The following STAC variants were observed in gnomAD, a reference collection of about 807,000 sequenced individuals.
The protein encoded by STAC is SH3 and cysteine rich domain, also known as SH3 and cysteine-rich domain-containing protein.
Under a neutral mutation model 48.8 loss-of-function variants are expected in STAC, and 43 were observed. That is an observed-to-expected ratio of 0.88 (90% confidence interval 0.69 to 1.14). The LOEUF is 1.14. Ranked by LOEUF, STAC falls within the 50% of genes most tolerant of loss-of-function variation. The pLI is 0.00. For missense variants in STAC, 497 were observed against 504.0 expected (o/e 0.99, Z 0.13); for synonymous variants, 193 against 179.5 (o/e 1.07, Z -0.60).
At chr3:36,533,426 G>GA (rs1559528429) in intron 10 of STAC, among the ~76,000 whole-genome samples, 2 of 146,532 alleles carry the variant, frequency 1.4e-5, no homozygotes, top group Non-Finnish European at 3.0e-5. Context: ...AATTTGGGAA[G>GA]AATGTTCATC....
At position 36,443,109 on chromosome 3, in the gene STAC, G is replaced by A. The variant is rs780231644; in HGVS notation, c.112-255G>A. Among the ~76,000 whole-genome samples the A allele has an allele frequency of 2.0e-5, 3 of 152,188 alleles. No individual in the cohort carries two copies. Among genetic ancestry groups the A allele is most frequent in the Non-Finnish European group, 2.9e-5 (2 of 68,038 alleles). ...CTGGTAGGACTTTAAGGAGGCAGGG[G>A]AGGAGGAGCAGGGGCAGAATCAAAG... On this transcript the variant is annotated intron_variant, in intron 1 of 10. Coordinates refer to ENST00000273183, the MANE Select transcript of STAC (RefSeq NM_003149.3). This position sits in a 1 kb window ranked among gnomAD's most constrained non-coding sequence, Gnocchi z 4.2.
At chr3:36,420,171 G>A (rs1258932729) in intron 1 of STAC, among the ~76,000 whole-genome samples, 2 of 152,138 alleles carry the variant, frequency 1.3e-5, no homozygotes, top group Non-Finnish European at 2.9e-5. Flanking sequence ...TCTATCCTAA[G>A]TAAGAATAAT....
intron 7 of STAC, 85 bp from the exon 8 acceptor site, chr3:36,505,661 A>C: frequency 1.2e-6 from 1 of 859,924 alleles, no homozygotes; most frequent in Non-Finnish European, 1.9e-6. Flanking sequence ...CATTGCAATG[A>C]CTTCTCCATT....
chr3:36,454,553 A>G (rs1323957008), intron 2 of STAC, among the ~76,000 whole-genome samples: 1 of 152,168 alleles, frequency 6.6e-6, no homozygotes, highest in Non-Finnish European at 1.5e-5. Flanking sequence ...CCAGACACAC[A>G]TATATGCTAA....
chr3:36,397,704 A>G (rs1475186557), intron 1 of STAC, among the ~76,000 whole-genome samples: 1 of 152,226 alleles, frequency 6.6e-6, no homozygotes, highest in African/African-American at 2.4e-5. Flanking sequence ...AATCATTGTG[A>G]AAAATCTTCC....
chr3:36,440,555 C>T (rs942385397), intron 1 of STAC, among the ~76,000 whole-genome samples: 19 of 152,180 alleles, frequency 1.2e-4, no homozygotes, highest in African/African-American at 4.6e-4. Context: ...GTATGCAAGG[C>T]CTCTTAAGGC....
chr3:36,506,254 G>A (rs757426510), intron 8 of STAC: 29 of 157,530 alleles, frequency 1.8e-4, no homozygotes, highest in Non-Finnish European at 3.6e-4. Context: ...GATGTGTGGT[G>A]TTATTTCTGA....
chr3:36,386,962 T>C (rs1575168352), intron 1 of STAC, among the ~76,000 whole-genome samples: 1 of 152,078 alleles, frequency 6.6e-6, no homozygotes, highest in African/African-American at 2.4e-5. Flanking sequence ...TATAAATCCA[T>C]GTGGAGAGAA....
intron 1 of STAC, among the ~76,000 whole-genome samples, chr3:36,390,445 T>C (rs1012903132): frequency 7.1e-6 from 1 of 141,584 alleles, no homozygotes; most frequent in Non-Finnish European, 1.5e-5. Flanking sequence ...ATGTGATTTT[T>C]CTTTTCTTTT....
rs187425653 is a variant in STAC, at chr3:36,424,838, G to C, written c.112-18526G>C. On this transcript the variant is annotated intron_variant, in intron 1 of 10. Transcript: ENST00000273183. Reference sequence around the variant, plus strand: ...GAGGAATTGTAACCCATAGAATAAAGCAAGTATCTATCATTCCATACTGAT... The same window carrying C: ...GAGGAATTGTAACCCATAGAATAAACCAAGTATCTATCATTCCATACTGAT... Among the ~76,000 whole-genome samples, 6 of 151,994 alleles carry C rather than the reference G, an allele frequency of 3.9e-5. No homozygotes were observed. The East Asian group carries it at 9.7e-4, about 24-fold the overall frequency.
At chr3:36,493,595 C>T (rs567543516) in intron 6 of STAC, among the ~76,000 whole-genome samples, 14 of 151,860 alleles carry the variant, frequency 9.2e-5, no homozygotes, top group Admixed American at 3.3e-4. Flanking sequence ...ATTAGCAAAC[C>T]GTACCACAGA....
intron 8 of STAC, among the ~76,000 whole-genome samples, chr3:36,518,876 T>C (rs1467533485): frequency 2.6e-5 from 4 of 152,206 alleles, no homozygotes; most frequent in African/African-American, 9.6e-5. Flanking sequence ...GGGAGAACCA[T>C]TCACAGGCCC....
chr3:36,530,593 C>G (rs55706645), intron 10 of STAC, among the ~76,000 whole-genome samples: 2 of 72,028 alleles, frequency 2.8e-5, no homozygotes, highest in South Asian at 6.2e-4. Flanking sequence ...TTTTTTTTTT[C>G]TTTTTTTTTT....
intron 6 of STAC, among the ~76,000 whole-genome samples, chr3:36,502,991 T>C (rs1483000369): frequency 6.6e-6 from 1 of 152,206 alleles, no homozygotes. Flanking sequence ...GAGGCTCTTG[T>C]TCTGAAGCAC....
At chr3:36,383,481 C>T (rs1472382056) in intron 1 of STAC, among the ~76,000 whole-genome samples, 1 of 152,212 alleles carries the variant, frequency 6.6e-6, no homozygotes, top group Non-Finnish European at 1.5e-5. Context: ...CCTACACATA[C>T]TGGATCATTT....
chr3:36,450,793 G>A (rs961711379), intron 2 of STAC, among the ~76,000 whole-genome samples: 2 of 152,214 alleles, frequency 1.3e-5, no homozygotes, highest in African/African-American at 4.8e-5. Context: ...CCAAAGTCCC[G>A]GGATTACAGG....
At chr3:36,420,804 T>A (rs1308370780) in intron 1 of STAC, among the ~76,000 whole-genome samples, 1 of 152,274 alleles carries the variant, frequency 6.6e-6, no homozygotes, top group Non-Finnish European at 1.5e-5. Flanking sequence ...CTAAACAATA[T>A]GTCATCTGTT....
chr3:36,430,301 T>C (rs1398907600), intron 1 of STAC, among the ~76,000 whole-genome samples: 1 of 152,148 alleles, frequency 6.6e-6, no homozygotes, highest in Admixed American at 6.5e-5. Flanking sequence ...CAGGTTATGG[T>C]AGAATGATAG....
intron 1 of STAC, among the ~76,000 whole-genome samples, chr3:36,420,059 A>C (rs1253924651): frequency 6.6e-6 from 1 of 152,256 alleles, no homozygotes; most frequent in African/African-American, 2.4e-5. Flanking sequence ...TTTGTAAAAT[A>C]TACTAATGGC....
Sources: gnomAD v4.1 joint callset for allele counts (sites outside exome capture counted in the v4.1 genomes callset) on GRCh38, gnomAD v4.1.1 for gene constraint, Gnocchi (gnomAD v3.1) non-coding constraint, MANE v1.5 for transcripts, NCBI Gene and HGNC (gene_info 2026-07-23, HGNC 2026-07-21) for gene names.